SGPP2: variants seen among roughly 807,000 people sequenced by gnomAD.
SGPP2 encodes the protein sphingosine-1-phosphate phosphatase 2.
In SGPP2, 30 loss-of-function variants were observed where a neutral mutation model predicts 33.9. The ratio of observed to expected loss-of-function variants is 0.89; its 90% CI spans 0.66 to 1.20. The LOEUF is 1.20. SGPP2 is among the 50% of genes most tolerant of loss of function. The pLI is 0.00. For synonymous variants in SGPP2, 233 were observed against 225.0 expected (o/e 1.04, Z -0.32); for missense variants, 458 against 532.1 (o/e 0.86, Z 1.37).
chr2:222,475,740 C>A (rs1335773527), intron 2 of SGPP2, among the ~76,000 whole-genome samples: 1 of 152,130 alleles, frequency 6.6e-6, no homozygotes, highest in Admixed American at 6.5e-5. Flanking sequence ...TTTTGTGTCT[C>A]ATTGAAGGAG....
chr2:222,448,795 T>C (rs1346682746), intron 1 of SGPP2, among the ~76,000 whole-genome samples: 1 of 152,116 alleles, frequency 6.6e-6, no homozygotes, highest in Non-Finnish European at 1.5e-5. Flanking sequence ...TGCTCAAAAT[T>C]TTATCTTCCC....
At position 222,431,163 on chromosome 2, in the gene SGPP2, T is replaced by C. The variant is rs149322700; in HGVS notation, c.219+6342T>C. Among the ~76,000 whole-genome samples, 12 of 145,952 alleles carry C rather than the reference T, an allele frequency of 8.2e-5. No homozygotes were observed. In the East Asian group the frequency reaches 1.4e-3, roughly 17 times the overall value. ...TGGGAATTGTGTATTATCTTTTCAA[T>C]CTTTTTATAAATTTCAAACTTTTCT... On this transcript the variant is annotated intron_variant, in intron 1 of 4. Transcript: ENST00000321276.
At chr2:222,485,749 G>A (rs1698096350) in intron 2 of SGPP2, among the ~76,000 whole-genome samples, 1 of 152,184 alleles carries the variant, frequency 6.6e-6, no homozygotes, top group South Asian at 2.1e-4. Flanking sequence ...TCCAGCTCCT[G>A]TGTGAGTGAC....
chr2:222,462,165 C>T (rs549783093), intron 1 of SGPP2, among the ~76,000 whole-genome samples: 43 of 152,142 alleles, frequency 2.8e-4, no homozygotes, highest in African/African-American at 9.9e-4. Context: ...CACAAGCAAA[C>T]ATCGTAAGGC....
chr2:222,442,372 A>G (rs755110287), intron 1 of SGPP2, among the ~76,000 whole-genome samples: 10 of 152,310 alleles, frequency 6.6e-5, no homozygotes, highest in Non-Finnish European at 1.2e-4. Context: ...AAGTAAAGGA[A>G]TTTTTAAAGT....
chr2:222,484,742 C>T (rs142326436), intron 2 of SGPP2, among the ~76,000 whole-genome samples: 62 of 152,284 alleles, frequency 4.1e-4, no homozygotes, highest in South Asian at 8.3e-4. Context: ...TGCCTGCAGG[C>T]GGATTGGTCC....
intron 4 of SGPP2, among the ~76,000 whole-genome samples, chr2:222,547,866 C>T (rs1004771417): frequency 6.6e-6 from 1 of 152,016 alleles, no homozygotes; most frequent in Non-Finnish European, 1.5e-5. Flanking sequence ...TAACTCCCTT[C>T]CAAATATAAA....
intron 4 of SGPP2, among the ~76,000 whole-genome samples, chr2:222,549,007 G>A (rs1484295578): frequency 6.6e-6 from 1 of 152,212 alleles, no homozygotes. Context: ...TTTAATGTCA[G>A]TGTCTGCTTG....
At chr2:222,508,705 A>G (rs1246289281) in intron 2 of SGPP2, among the ~76,000 whole-genome samples, 2 of 152,212 alleles carry the variant, frequency 1.3e-5, no homozygotes, top group Non-Finnish European at 2.9e-5. Flanking sequence ...GGAAAGAATG[A>G]GAAAATGTTG....
intron 1 of SGPP2, among the ~76,000 whole-genome samples, chr2:222,464,739 T>C (rs1697720470): frequency 6.6e-6 from 1 of 152,144 alleles, no homozygotes; most frequent in African/African-American, 2.4e-5. Context: ...TACCTCAGCC[T>C]CCCAAACAGC....
intron 2 of SGPP2, among the ~76,000 whole-genome samples, chr2:222,487,695 G>A (rs11676002): frequency 0.11 from 16,068 of 152,106 alleles, 1,160 homozygotes; most frequent in East Asian, 0.23. Context: ...GAGACAGTCC[G>A]GTGGCAGTGC....
chr2:222,498,522 T>C (rs1394820898), intron 2 of SGPP2: 1 of 152,036 alleles, frequency 6.6e-6, no homozygotes, highest in Non-Finnish European at 1.5e-5. Flanking sequence ...CATTCATTCA[T>C]TCAAAACAAA....
rs1020533284 is a variant in SGPP2 at position 222,558,626 on chromosome 2, A to T, written c.928A>T (p.Ile310Phe). Residue 310 changes from isoleucine (I) to phenylalanine (F), a missense_variant, in exon 5 of 5, where the codon ATT becomes TTT. Ile to Phe is a conservative substitution (Grantham distance 21). Transcript: ENST00000321276. ...CAAGCCCGCTGAATCTCTCCCTGTT[A>T]TTCAGAACATCCCACCACTCACCAC... ...VSKPAESLPV[I>F]QNIPPLTTYM... The T allele has an allele frequency of 6.2e-7, 1 of 1,614,154 alleles. No homozygotes were observed. The highest frequency in any genetic ancestry group is 1.7e-5 in the Admixed American group (1 of 60,004).
At chr2:222,495,223 G>A (rs1047256640) in intron 2 of SGPP2, among the ~76,000 whole-genome samples, 1 of 152,014 alleles carries the variant, frequency 6.6e-6, no homozygotes, top group Non-Finnish European at 1.5e-5. Flanking sequence ...AGACCAGCCT[G>A]GGCAACAAAG....
At chr2:222,486,526 T>A (rs1698111411) in intron 2 of SGPP2, among the ~76,000 whole-genome samples, 1 of 152,232 alleles carries the variant, frequency 6.6e-6, no homozygotes, top group African/African-American at 2.4e-5. Flanking sequence ...TGGCTATTCC[T>A]TCAGTGAGTA....
At chr2:222,459,280 A>T (rs1697622607) in intron 1 of SGPP2, among the ~76,000 whole-genome samples, 1 of 151,194 alleles carries the variant, frequency 6.6e-6, no homozygotes, top group Non-Finnish European at 1.5e-5. Flanking sequence ...CCAAGTAGCT[A>T]AGACTACAGG....
intron 1 of SGPP2, among the ~76,000 whole-genome samples, chr2:222,471,351 A>G (rs1048907095): frequency 1.3e-5 from 2 of 152,172 alleles, no homozygotes; most frequent in Non-Finnish European, 2.9e-5. Context: ...AGTGAGGTAA[A>G]AGAGAGGAAT....
intron 2 of SGPP2, among the ~76,000 whole-genome samples, chr2:222,502,738 A>G (rs943821772): frequency 5.3e-5 from 8 of 152,226 alleles, no homozygotes; most frequent in Admixed American, 4.6e-4. Context: ...TATTATCAAT[A>G]CACCATGCTG....
intron 1 of SGPP2, among the ~76,000 whole-genome samples, chr2:222,469,153 T>G (rs973687914): frequency 8.5e-5 from 13 of 152,242 alleles, no homozygotes; most frequent in Non-Finnish European, 1.0e-4. Context: ...TCATTTGCTG[T>G]GTGACAGATG....
Sources: gnomAD v4.1 joint callset for allele counts (sites outside exome capture counted in the v4.1 genomes callset) on GRCh38, gnomAD v4.1.1 for gene constraint, MANE v1.5 for transcripts, NCBI Gene and HGNC (gene_info 2026-07-23, HGNC 2026-07-21) for gene names.